Variants in GRIN3A observed in about 807,000 individuals in gnomAD.
GRIN3A encodes the protein glutamate ionotropic receptor NMDA type subunit 3A.
In GRIN3A, 47 loss-of-function variants were observed where a neutral mutation model predicts 92.4. That is an observed-to-expected ratio of 0.51 (90% confidence interval 0.40 to 0.65). The LOEUF (loss-of-function observed/expected upper bound fraction) is 0.65, where lower values mean the gene tolerates loss of function less well. Ranked by LOEUF, GRIN3A falls within the 30% of genes least tolerant of loss-of-function variation. GRIN3A has a pLI of 0.00. For synonymous variants in GRIN3A, 527 were observed against 540.6 expected (o/e 0.97, Z 0.35); for missense variants, 1,324 against 1,393.1 (o/e 0.95, Z 0.79).
intron 1 of GRIN3A, among the ~76,000 whole-genome samples, chr9:101,697,245 AAT>A (rs1174250279): frequency 6.6e-6 from 1 of 152,204 alleles, no homozygotes; most frequent in Admixed American, 6.5e-5. Context: ...ACTTTGCTGC[AAT>A]GACATTTTAT....
intron 1 of GRIN3A, among the ~76,000 whole-genome samples, chr9:101,700,413 T>G (rs1829738191): frequency 6.6e-6 from 1 of 152,178 alleles, no homozygotes. Flanking sequence ...GGCACAGATC[T>G]TTTCTGATGT....
rs906376909 is a variant in GRIN3A, at chr9:101,620,508, C to T, written c.2614+2810G>A. Among the ~76,000 whole-genome samples, 7 of 152,134 alleles carry T rather than the reference C, an allele frequency of 4.6e-5. No homozygotes were observed. The East Asian group carries it at 9.6e-4, about 21-fold the overall frequency. On this transcript the variant is annotated intron_variant, in intron 5 of 8. Coordinates refer to ENST00000361820, the MANE Select transcript of GRIN3A (RefSeq NM_133445.3). Reference sequence around the variant, plus strand: ...GTTACTACTATATGCAGTGACAGTACATTCAGCATGAAGGAATCATTGCAC... The same window carrying T: ...GTTACTACTATATGCAGTGACAGTATATTCAGCATGAAGGAATCATTGCAC...
intron 3 of GRIN3A, among the ~76,000 whole-genome samples, chr9:101,634,955 G>A (rs1218749784): frequency 6.6e-6 from 1 of 152,098 alleles, no homozygotes; most frequent in East Asian, 1.9e-4. Context: ...GAAAAACAAT[G>A]CCAAAAAGAA....
intron 3 of GRIN3A, among the ~76,000 whole-genome samples, chr9:101,652,544 C>T (rs754094917): frequency 2.6e-5 from 4 of 152,094 alleles, no homozygotes; most frequent in South Asian, 2.1e-4. Flanking sequence ...CATCCTCCCT[C>T]CACCAAAGGT....
intron 1 of GRIN3A, among the ~76,000 whole-genome samples, chr9:101,705,095 C>T (rs919141349): frequency 2.0e-5 from 3 of 152,098 alleles, no homozygotes; most frequent in African/African-American, 7.2e-5. Context: ...TGCCCATAGA[C>T]CTAAATGAGA....
At chr9:101,601,159 G>C (rs1205763743) in intron 6 of GRIN3A, 1 of 152,160 alleles carries the variant, frequency 6.6e-6, no homozygotes, top group Non-Finnish European at 1.5e-5. Context: ...ACAGAAGTGG[G>C]AAAGAGTACA....
At chr9:101,713,434 A>G (rs150912171) in intron 1 of GRIN3A, among the ~76,000 whole-genome samples, 1 of 152,342 alleles carries the variant, frequency 6.6e-6, no homozygotes, top group East Asian at 1.9e-4. Context: ...ATGCCTTCTA[A>G]GATTTTGAAC....
chr9:101,658,866 A>G (rs1272027208), intron 3 of GRIN3A, among the ~76,000 whole-genome samples: 1 of 151,780 alleles, frequency 6.6e-6, no homozygotes, highest in East Asian at 2.0e-4. Context: ...AATTTCCCAT[A>G]CTGAGTTCAC....
At chr9:101,619,623 C>A (rs749526685) in intron 5 of GRIN3A, among the ~76,000 whole-genome samples, 4 of 152,152 alleles carry the variant, frequency 2.6e-5, no homozygotes, top group Admixed American at 6.6e-5. Context: ...TTAATAACAG[C>A]AATTTTATCC....
At chr9:101,711,101 G>A (rs1829871456) in intron 1 of GRIN3A, among the ~76,000 whole-genome samples, 1 of 152,148 alleles carries the variant, frequency 6.6e-6, no homozygotes, top group Admixed American at 6.5e-5. Flanking sequence ...AATGTAAGAT[G>A]ATAAGATCCC....
At chr9:101,620,826 A>G (rs1413781252) in intron 5 of GRIN3A, among the ~76,000 whole-genome samples, 1 of 152,102 alleles carries the variant, frequency 6.6e-6, no homozygotes, top group East Asian at 1.9e-4. Context: ...CTCACATTTT[A>G]AAAAGTTCAA....
At chr9:101,634,332 C>CAAAAA (rs10664535) in intron 3 of GRIN3A, among the ~76,000 whole-genome samples, 111 of 68,482 alleles carry the variant, frequency 1.6e-3, no homozygotes, top group Non-Finnish European at 2.1e-3. Context: ...GACTCCGTCT[C>CAAAAA]AAAAAAAAAA....
At chr9:101,712,219 T>G (rs1014165499) in intron 1 of GRIN3A, among the ~76,000 whole-genome samples, 2 of 152,344 alleles carry the variant, frequency 1.3e-5, no homozygotes, top group South Asian at 2.1e-4. Flanking sequence ...AAAATTTCAC[T>G]CTTCAAATAA....
chr9:101,654,913 T>C (rs111750675), intron 3 of GRIN3A, among the ~76,000 whole-genome samples: 49 of 152,048 alleles, frequency 3.2e-4, no homozygotes, highest in African/African-American at 1.2e-3. Context: ...ATTGTATTCC[T>C]AGCCTTTATC....
At chr9:101,683,603 C>G (rs897814388) in intron 2 of GRIN3A, among the ~76,000 whole-genome samples, 1 of 152,158 alleles carries the variant, frequency 6.6e-6, no homozygotes, top group African/African-American at 2.4e-5. Flanking sequence ...CAAACTTTCT[C>G]TTTTCCTGTA....
chr9:101,677,397 C>T (rs1829412469), intron 2 of GRIN3A, among the ~76,000 whole-genome samples: 1 of 151,892 alleles, frequency 6.6e-6, no homozygotes, highest in Non-Finnish European at 1.5e-5. Flanking sequence ...CTCCCTCCCT[C>T]TCCCCCTTTT....
chr9:101,612,553 A>G (rs763462621), intron 6 of GRIN3A, among the ~76,000 whole-genome samples: 7 of 152,180 alleles, frequency 4.6e-5, no homozygotes, highest in Non-Finnish European at 8.8e-5. Context: ...GTTCTTGGCA[A>G]ATAGAGACTA....
At chr9:101,581,629 G>A (rs1005552600) in intron 6 of GRIN3A, among the ~76,000 whole-genome samples, 3 of 152,130 alleles carry the variant, frequency 2.0e-5, no homozygotes, top group East Asian at 3.9e-4. Context: ...TAAACTTGGT[G>A]GTGCTTTGAT....
chr9:101,634,056 G>T (rs546974555), intron 3 of GRIN3A, among the ~76,000 whole-genome samples: 2 of 151,990 alleles, frequency 1.3e-5, no homozygotes, highest in African/African-American at 4.8e-5. Flanking sequence ...CCTCCTGGCC[G>T]GGCATGGTGG....
Sources: gnomAD v4.1 joint callset for allele counts (sites outside exome capture counted in the v4.1 genomes callset) on GRCh38, gnomAD v4.1.1 for gene constraint, MANE v1.5 for transcripts, NCBI Gene and HGNC (gene_info 2026-07-23, HGNC 2026-07-21) for gene names.